Variants in HMGA2 observed in about 807,000 individuals in gnomAD.
HMGA2 encodes high mobility group protein HMGI-C.
Under a neutral mutation model 19.1 loss-of-function variants are expected in HMGA2, and 8 were observed. The ratio of observed to expected loss-of-function variants is 0.42; its 90% CI spans 0.25 to 0.76. The LOEUF (loss-of-function observed/expected upper bound fraction) is 0.76. Ranked by LOEUF, HMGA2 falls within the 30% of genes least tolerant of loss-of-function variation. HMGA2 has a pLI of 0.28. For missense variants in HMGA2, 109 were observed against 136.3 expected (o/e 0.80, Z 1.00); for synonymous variants, 60 against 48.8 (o/e 1.23, Z -0.96).
chr12:65,964,323 G>T lies in HMGA2; in HGVS notation c.*1031G>T, dbSNP rs1592471744. 1 of 208,836 alleles carries T rather than the reference G, an allele frequency of 4.8e-6. No individual in the cohort carries two copies. The highest frequency in any genetic ancestry group is 9.3e-6 in the Non-Finnish European group (1 of 107,548). The allele number at this position is 208,836 out of a possible 1,614,324, so 12.9% of individuals were successfully genotyped here. The stretch of plus-strand genomic sequence containing the variant: ...AAAGGGGGGGGCAATCTCTCTCTGT[G>T]TCTTTCTCTCTCTCTCTTCCTCTCC... On this transcript the variant is annotated 3_prime_UTR_variant, in exon 5 of 5. Coordinates refer to ENST00000403681, the MANE Select transcript of HMGA2 (RefSeq NM_003483.6).
intron 3 of HMGA2, among the ~76,000 whole-genome samples, chr12:65,840,239 T>TA (rs1181191032): frequency 6.6e-6 from 1 of 152,288 alleles, no homozygotes; most frequent in East Asian, 1.9e-4. Context: ...CTTAATAGTG[T>TA]AAAAAAACTA....
intron 3 of HMGA2, among the ~76,000 whole-genome samples, chr12:65,898,270 C>T (rs895419683): frequency 1.3e-5 from 2 of 152,096 alleles, no homozygotes; most frequent in South Asian, 2.1e-4. Context: ...TCATTACCTT[C>T]GGTAGAGCAG....
chr12:65,960,005 G>A (rs187478815), intron 4 of HMGA2, among the ~76,000 whole-genome samples: 228 of 152,032 alleles, frequency 1.5e-3, no homozygotes, highest in Non-Finnish European at 2.7e-3. Context: ...TTCTCCTGCC[G>A]CAGCCTCCCA....
At chr12:65,895,609 T>C (rs2121152856) in intron 3 of HMGA2, among the ~76,000 whole-genome samples, 1 of 152,306 alleles carries the variant, frequency 6.6e-6, no homozygotes, top group Non-Finnish European at 1.5e-5. Context: ...TATAGGCATG[T>C]TATATTTGCC....
intron 3 of HMGA2, among the ~76,000 whole-genome samples, chr12:65,910,232 A>G (rs955218170): frequency 6.6e-6 from 1 of 152,196 alleles, no homozygotes; most frequent in Non-Finnish European, 1.5e-5. Context: ...TCAGGGGAAG[A>G]GGCCTCTGCT....
At position 65,856,977 on chromosome 12, in the gene HMGA2, T is replaced by G. The variant is rs184417571; in HGVS notation, c.249+18408T>G. 3 of 152,362 alleles carry G rather than the reference T, an allele frequency of 2.0e-5. No individual in the cohort carries two copies. In the East Asian group the frequency reaches 5.8e-4, roughly 29 times the overall value. The allele number at this position is 152,362 out of a possible 1,614,324, so 9.4% of individuals were successfully genotyped here. ...TCACATTCATAGAGACAAGGTGGGT[T>G]AGGGCTTCACTATATCTTTTTAGGG... On this transcript the variant is annotated intron_variant, in intron 3 of 4. Transcript: ENST00000403681.
chr12:65,825,415 A>C lies in HMGA2; in HGVS notation c.111+34A>C. 1 of 1,437,824 alleles carries C rather than the reference A, an allele frequency of 7.0e-7. No homozygotes were observed. Among genetic ancestry groups the C allele is most frequent in the Non-Finnish European group, 9.3e-7 (1 of 1,076,808 alleles). The allele number at this position is 1,437,824 out of a possible 1,614,324, so 89.1% of individuals were successfully genotyped here. A position where few individuals can be genotyped will look rare whatever the true frequency, so the allele number is the denominator to read the frequency against. On this transcript the variant is annotated intron_variant, in intron 1 of 4. Transcript: ENST00000403681. The surrounding 1 kb of genome is among the most constrained non-coding windows in gnomAD (Gnocchi z 4.4). ...GAGGGCGCGGTGGGGGCACCAGCCC[A>C]CCCCGTCCCCACTGCCGGGGCCCAG...
In HMGA2 at chr12:65,916,591, G is replaced by A. The variant is rs140720389; in HGVS notation, c.250-34792G>A. On this transcript the variant is annotated intron_variant, in intron 3 of 4. Transcript: ENST00000403681. Reference sequence around the variant, plus strand: ...TGCTTTATAAATCACTAGAAAACACGTGACAGGAACTATTCCTGATCAGTC... The same window carrying A: ...TGCTTTATAAATCACTAGAAAACACATGACAGGAACTATTCCTGATCAGTC... Among the ~76,000 whole-genome samples the A allele has an allele frequency of 2.6e-5, 4 of 152,296 alleles. No homozygotes were observed. The East Asian group carries it at 5.8e-4, about 22-fold the overall frequency.
chr12:65,964,436 C>G lies in HMGA2; in HGVS notation c.*1144C>G. ...AGCATATGTGTTACTTCAAGTAATA[C>G]GTTTTGACATAAGATGGTTGACCAA... On this transcript the variant is annotated 3_prime_UTR_variant, in exon 5 of 5. Transcript: ENST00000403681. The G allele has an allele frequency of 4.5e-6, 1 of 221,992 alleles. No individual in the cohort carries two copies. The highest frequency in any genetic ancestry group is 9.0e-6 in the Non-Finnish European group (1 of 110,810). The allele number at this position is 221,992 out of a possible 1,614,324, so 13.8% of individuals were successfully genotyped here.
intron 3 of HMGA2, among the ~76,000 whole-genome samples, chr12:65,912,282 C>T (rs1393122971): frequency 6.6e-6 from 1 of 151,980 alleles, no homozygotes; most frequent in African/African-American, 2.4e-5. Context: ...TCATTTATTT[C>T]TCCATTAAGT....
chr12:65,916,520 A>G (rs954312794), intron 3 of HMGA2, among the ~76,000 whole-genome samples: 25 of 152,234 alleles, frequency 1.6e-4, no homozygotes, highest in Non-Finnish European at 2.5e-4. Flanking sequence ...GTAAATAGAA[A>G]AGCTTAAACA....
intron 2 of HMGA2, among the ~76,000 whole-genome samples, chr12:65,836,385 A>G (rs956544288): frequency 6.6e-6 from 1 of 151,432 alleles, no homozygotes; most frequent in Admixed American, 6.6e-5. Context: ...AAAAAGAAAA[A>G]CTCCCTTTAA....
Position 65,935,376 on chromosome 12 carries a change from G to T in HMGA2, c.250-16007G>T, listed in dbSNP as rs1004672637. On this transcript the variant is annotated intron_variant, in intron 3 of 4. Transcript: ENST00000403681. Reference sequence around the variant, plus strand: ...CGAGAATAATCTATTAGTCATCTAAGCACAAAGCAGCTATTTGAAAATTTG... The same window carrying T: ...CGAGAATAATCTATTAGTCATCTAATCACAAAGCAGCTATTTGAAAATTTG... Among the ~76,000 whole-genome samples, 9 of 152,310 alleles carry T rather than the reference G, an allele frequency of 5.9e-5. No homozygotes were observed. In the East Asian group the frequency reaches 1.7e-3, roughly 29 times the overall value.
chr12:65,943,324 A>G (rs1876153994), intron 3 of HMGA2, among the ~76,000 whole-genome samples: 1 of 152,080 alleles, frequency 6.6e-6, no homozygotes, highest in African/African-American at 2.4e-5. Context: ...TGATCTTTTC[A>G]CTCCATTCCA....
intron 3 of HMGA2, chr12:65,842,907 G>C (rs1178708429): frequency 8.3e-7 from 1 of 1,207,060 alleles, no homozygotes; most frequent in Non-Finnish European, 1.0e-6. Flanking sequence ...AAGTAATAAA[G>C]TTGTTAACCT....
intron 3 of HMGA2, among the ~76,000 whole-genome samples, 176 bp from the exon 4 acceptor site, chr12:65,951,188 CAAAGCGCTGGGATTATAAG>C (rs1876445987): frequency 6.6e-6 from 1 of 152,156 alleles, no homozygotes; most frequent in African/African-American, 2.4e-5. Flanking sequence ...CTCTGCCTCC[CAAAGCGCTGGGATTATAAG>C]CGTGAGCCAC....
intron 3 of HMGA2, among the ~76,000 whole-genome samples, chr12:65,902,450 T>A (rs565817066): frequency 6.6e-6 from 1 of 152,264 alleles, no homozygotes; most frequent in South Asian, 2.1e-4. Context: ...GAGTTCAGGT[T>A]TTTCTGACTC....
chr12:65,879,441 T>A (rs1189089242), intron 3 of HMGA2, among the ~76,000 whole-genome samples: 5 of 152,198 alleles, frequency 3.3e-5, no homozygotes, highest in African/African-American at 9.6e-5. Context: ...TAAAGCACTT[T>A]TAACTAAAAT....
chr12:65,949,991 C>G (rs914058433), intron 3 of HMGA2, among the ~76,000 whole-genome samples: 1 of 152,134 alleles, frequency 6.6e-6, no homozygotes, highest in Non-Finnish European at 1.5e-5. Flanking sequence ...CAAATTGAAA[C>G]AGCAATGATG....
Sources: gnomAD v4.1 joint callset for allele counts (sites outside exome capture counted in the v4.1 genomes callset) on GRCh38, gnomAD v4.1.1 for gene constraint, Gnocchi (gnomAD v3.1) non-coding constraint, MANE v1.5 for transcripts, NCBI Gene and HGNC (gene_info 2026-07-23, HGNC 2026-07-21) for gene names.